The following ZFYVE28 variants were observed in gnomAD, a reference collection of about 807,000 sequenced individuals.
ZFYVE28 encodes the protein zinc finger FYVE-type containing 28.
A neutral mutation model predicts 82.1 loss-of-function variants in ZFYVE28; 40 were observed. The ratio of observed to expected loss-of-function variants is 0.49; its 90% CI spans 0.38 to 0.63. The LOEUF (loss-of-function observed/expected upper bound fraction) is 0.63. Ranked by LOEUF, ZFYVE28 falls within the 30% of genes least tolerant of loss-of-function variation. ZFYVE28 has a pLI of 0.00. For synonymous variants in ZFYVE28, 612 were observed against 546.1 expected, an observed-to-expected ratio of 1.12 and a Z score of -1.68; for missense variants, 1,321 against 1,242.1, an observed-to-expected ratio of 1.06 and a Z score of -0.96.
chr4:2,308,683 GAAAGA>G lies in ZFYVE28; in HGVS notation c.804-3152_804-3148del, dbSNP rs148489471. Among the ~76,000 whole-genome samples the G allele has an allele frequency of 1.4e-3, 118 of 81,498 alleles. 1 individual carries two copies. Among genetic ancestry groups the G allele is most frequent in the African/African-American group, 3.7e-3 (74 of 20,180 alleles). The allele number at this position is 81,498 out of a possible 152,430, so 53.5% of individuals were successfully genotyped here. On this transcript the variant is annotated intron_variant, in intron 7 of 12. Transcript: ENST00000290974. ...AAAGAAAGAAAGAAAGAAAGAGAAA[GAAAGA>G]AAAGAAAAGAAAAGAAAAAAGAAAA... is the stretch of plus-strand genomic sequence containing the variant.
intron 1 of ZFYVE28, among the ~76,000 whole-genome samples, chr4:2,414,297 C>T (rs1732813557): frequency 6.6e-6 from 1 of 152,216 alleles, no homozygotes; most frequent in Non-Finnish European, 1.5e-5. Context: ...GTGGGGTTGG[C>T]ACCCAGGCAG....
chr4:2,315,428 C>A (rs1266043103), intron 7 of ZFYVE28, among the ~76,000 whole-genome samples: 4 of 152,136 alleles, frequency 2.6e-5, no homozygotes, highest in Non-Finnish European at 5.9e-5. Flanking sequence ...CGCCCGCCAC[C>A]ACGCCTGGCT....
chr4:2,308,702 G>GAA (rs796505203), intron 7 of ZFYVE28, among the ~76,000 whole-genome samples: 3 of 106,222 alleles, frequency 2.8e-5, no homozygotes, highest in African/African-American at 1.3e-4. Context: ...GAAAAGAAAA[G>GAA]AAAAAAGAAA....
intron 10 of ZFYVE28, 88 bp from the exon 11 acceptor site, chr4:2,271,867 G>A (rs578160976): frequency 1.6e-5 from 20 of 1,262,246 alleles, no homozygotes; most frequent in Middle Eastern, 2.5e-4. Flanking sequence ...ACAGCTGGGG[G>A]CTTCCAGCAG....
intron 1 of ZFYVE28, among the ~76,000 whole-genome samples, chr4:2,381,716 T>C (rs1429617052): frequency 6.6e-6 from 1 of 152,162 alleles, no homozygotes; most frequent in Non-Finnish European, 1.5e-5. Flanking sequence ...TGTGACAATG[T>C]GATAGAAGAG....
chr4:2,314,856 G>A (rs1209629441), intron 7 of ZFYVE28, among the ~76,000 whole-genome samples: 3 of 152,152 alleles, frequency 2.0e-5, no homozygotes, highest in Non-Finnish European at 2.9e-5. Flanking sequence ...ATAGCTCACT[G>A]CAACCTCAAA....
intron 7 of ZFYVE28, among the ~76,000 whole-genome samples, chr4:2,308,948 A>C (rs901705038): frequency 2.6e-5 from 4 of 152,180 alleles, no homozygotes; most frequent in African/African-American, 9.7e-5. Flanking sequence ...CTTTCAATGG[A>C]GGTCTTGGAC....
At chr4:2,294,824 G>A (rs988592355) in intron 8 of ZFYVE28, among the ~76,000 whole-genome samples, 32 of 152,172 alleles carry the variant, frequency 2.1e-4, no homozygotes, top group African/African-American at 6.3e-4. Context: ...CACATGAAGC[G>A]ACGCTTGAGT....
intron 1 of ZFYVE28, among the ~76,000 whole-genome samples, chr4:2,368,641 T>C (rs999334698): frequency 2.0e-5 from 3 of 152,250 alleles, no homozygotes; most frequent in Non-Finnish European, 4.4e-5. Context: ...TCAAGGTTCA[T>C]CCACATTACA....
In ZFYVE28 at chr4:2,393,789, C is replaced by G. The variant is rs147348973; in HGVS notation, c.39+24496G>C. On this transcript the variant is annotated intron_variant, in intron 1 of 12. Transcript: ENST00000290974. ...ACCTGCGGATTGGGGGACGGACTTCCGGGCTTTACTGTTGTGAGCAAAGCT... is the reference window on the plus strand; with the variant it reads ...ACCTGCGGATTGGGGGACGGACTTCGGGGCTTTACTGTTGTGAGCAAAGCT... 1.4e-4 allele frequency among the ~76,000 whole-genome samples: 22 copies of G among 152,268 alleles called. No individual in the cohort carries two copies. The East Asian group carries it at 4.0e-3, about 28-fold the overall frequency.
At chr4:2,361,836 G>A (rs1726206040) in intron 1 of ZFYVE28, among the ~76,000 whole-genome samples, 1 of 152,182 alleles carries the variant, frequency 6.6e-6, no homozygotes, top group Admixed American at 6.5e-5. Flanking sequence ...GGACCTTAAA[G>A]AGACACCTTG....
chr4:2,364,457 C>T, intron 1 of ZFYVE28: 1 of 985,488 alleles, frequency 1.0e-6, no homozygotes, highest in South Asian at 4.7e-5. Flanking sequence ...GGCAGCTTTA[C>T]GTTCAATTCA....
At position 2,339,310 on chromosome 4, in the gene ZFYVE28, C is replaced by T. The variant is rs1455676238; in HGVS notation, c.521+143G>A. The stretch of plus-strand genomic sequence containing the variant: ...CCACGCTATGCTCTCCAGGGCTTAA[C>T]CCCACCCACAGGCGGCCCTGAACCT... On this transcript the variant is annotated intron_variant, in intron 4 of 12. Transcript: ENST00000290974. The surrounding 1 kb of genome is among the most constrained non-coding windows in gnomAD (Gnocchi z 5.0). The T allele has an allele frequency of 5.6e-6, 5 of 890,532 alleles. No individual in the cohort carries two copies. The highest frequency in any genetic ancestry group is 8.6e-6 in the Non-Finnish European group (5 of 578,116). 55.2% of individuals were successfully genotyped at this position (890,532 alleles called of 1,614,324 possible).
intron 6 of ZFYVE28, among the ~76,000 whole-genome samples, chr4:2,331,467 C>A (rs1488284370): frequency 1.3e-5 from 2 of 151,842 alleles, no homozygotes; most frequent in East Asian, 1.9e-4. Context: ...CACAGCAAGA[C>A]CCTGTCTCTA....
At chr4:2,354,737 A>G (rs1441580271) in intron 1 of ZFYVE28, among the ~76,000 whole-genome samples, 5 of 152,004 alleles carry the variant, frequency 3.3e-5, no homozygotes, top group African/African-American at 7.3e-5. Context: ...GGGATTACAA[A>G]CATGAGCCAC....
chr4:2,379,066 C>T (rs1578318777), intron 1 of ZFYVE28, among the ~76,000 whole-genome samples: 1 of 152,114 alleles, frequency 6.6e-6, no homozygotes, highest in East Asian at 1.9e-4. Flanking sequence ...GCCTGGCTGT[C>T]TCATGACAGC....
rs184337900 is a variant in ZFYVE28 at position 2,374,520 on chromosome 4, G to A, written c.40-20447C>T. 2.6e-5 allele frequency among the ~76,000 whole-genome samples: 4 copies of A among 152,268 alleles called. No homozygotes were observed. In the East Asian group the frequency reaches 7.7e-4, roughly 29 times the overall value. ...CCCAGCCACTAGGGAGGCTGAGGTG[G>A]GAGGATCACTTGAGCCCAGGCAGGT... On this transcript the variant is annotated intron_variant, in intron 1 of 12. Coordinates refer to ENST00000290974, the MANE Select transcript of ZFYVE28 (RefSeq NM_020972.3).
At chr4:2,404,864 T>TTTTC (rs1434207041) in intron 1 of ZFYVE28, among the ~76,000 whole-genome samples, 2 of 145,754 alleles carry the variant, frequency 1.4e-5, no homozygotes, top group South Asian at 2.2e-4. Context: ...GCTCTTTTTT[T>TTTTC]TTTTTTTTTT....
chr4:2,354,967 C>G (rs1421927237), intron 1 of ZFYVE28, among the ~76,000 whole-genome samples: 1 of 151,566 alleles, frequency 6.6e-6, no homozygotes, highest in Non-Finnish European at 1.5e-5. Flanking sequence ...AAACTCTACG[C>G]TCAGAGGTTC....
Sources: gnomAD v4.1 joint callset for allele counts (sites outside exome capture counted in the v4.1 genomes callset) on GRCh38, gnomAD v4.1.1 for gene constraint, Gnocchi (gnomAD v3.1) non-coding constraint, MANE v1.5 for transcripts, NCBI Gene and HGNC (gene_info 2026-07-23, HGNC 2026-07-21) for gene names.